Variants in RBM6 observed in about 807,000 individuals in gnomAD.
RBM6 encodes the protein RNA binding motif protein 6, also known as RNA-binding protein 6.
Under a neutral mutation model 140.4 loss-of-function variants are expected in RBM6, and 23 were observed. The ratio of observed to expected loss-of-function variants is 0.16; its 90% CI spans 0.12 to 0.23. The LOEUF is 0.23. RBM6 is among the 10% of genes least tolerant of loss of function. The pLI is 1.00. For synonymous variants in RBM6, 439 were observed against 475.6 expected, an observed-to-expected ratio of 0.92 and a Z score of 1.00; for missense variants, 1,139 against 1,386.7, an observed-to-expected ratio of 0.82 and a Z score of 2.84.
rs377442839 is a variant in RBM6 at position 50,000,646 on chromosome 3, A to C, written c.1557+1133A>C. Among the ~76,000 whole-genome samples the C allele has an allele frequency of 1.2e-4, 18 of 152,156 alleles. No homozygotes were observed. The East Asian group carries it at 2.3e-3, about 20-fold the overall frequency. Reference sequence around the variant, plus strand: ...GTTGGTCAGGCTGCTCTCGAACTCCAGACCTCAGGTGATCTGCCTGCCTCG... The same window carrying C: ...GTTGGTCAGGCTGCTCTCGAACTCCCGACCTCAGGTGATCTGCCTGCCTCG... On this transcript the variant is annotated intron_variant, in intron 6 of 20. Transcript: ENST00000266022.
At chr3:50,001,076 T>C (rs2086305515) in intron 6 of RBM6, among the ~76,000 whole-genome samples, 2 of 152,214 alleles carry the variant, frequency 1.3e-5, no homozygotes, top group African/African-American at 4.8e-5. Flanking sequence ...CCAAATACAG[T>C]TGACACTCTG....
At chr3:50,070,595 T>C (rs373536922) in intron 19 of RBM6, 43 bp downstream of exon 19, 23 of 1,377,584 alleles carry the variant, frequency 1.7e-5, no homozygotes, top group Non-Finnish European at 2.3e-5. Flanking sequence ...TCAAGCCTAA[T>C]GATAAAACCA....
intron 6 of RBM6, chr3:50,047,403 C>T (rs2089273377): frequency 1.2e-6 from 1 of 816,190 alleles, no homozygotes; most frequent in African/African-American, 1.9e-5. Flanking sequence ...CCAACACATA[C>T]CTGCTGCCTA....
At chr3:49,965,711 T>C (rs1246178967) in intron 2 of RBM6, among the ~76,000 whole-genome samples, 1 of 151,598 alleles carries the variant, frequency 6.6e-6, no homozygotes, top group Non-Finnish European at 1.5e-5. Flanking sequence ...GCTCCTCTTA[T>C]GATGAACCAC....
chr3:50,008,511 A>G (rs2086687567), intron 6 of RBM6, among the ~76,000 whole-genome samples: 1 of 149,224 alleles, frequency 6.7e-6, no homozygotes, highest in Non-Finnish European at 1.5e-5. Context: ...AAAGATTTAG[A>G]ATTCCAGCTT....
chr3:50,048,477 T>C (rs542821151), intron 7 of RBM6, among the ~76,000 whole-genome samples, 158 bp downstream of exon 7: 1 of 152,190 alleles, frequency 6.6e-6, no homozygotes, highest in Non-Finnish European at 1.5e-5. Flanking sequence ...ACAAGGTCAT[T>C]CATAATTTCT....
At chr3:49,975,226 G>T in intron 4 of RBM6, 97 bp from the exon 5 acceptor site, 1 of 1,075,086 alleles carries the variant, frequency 9.3e-7, no homozygotes. Flanking sequence ...AGTAATCATG[G>T]CTTTAAATTA....
intron 6 of RBM6, among the ~76,000 whole-genome samples, chr3:50,005,703 G>C: frequency 6.6e-6 from 1 of 152,280 alleles, no homozygotes; most frequent in African/African-American, 2.4e-5. Context: ...GAAGGTTGTA[G>C]TGTTACCTAA....
chr3:49,948,002 G>A (rs1295433547), intron 1 of RBM6, among the ~76,000 whole-genome samples: 1 of 152,100 alleles, frequency 6.6e-6, no homozygotes, highest in Non-Finnish European at 1.5e-5. Flanking sequence ...GCTGAGGCAG[G>A]AGAATCGCTT....
At chr3:49,973,629 A>G (rs1025160335) in intron 4 of RBM6, among the ~76,000 whole-genome samples, 3 of 135,126 alleles carry the variant, frequency 2.2e-5, no homozygotes, top group African/African-American at 8.6e-5. Flanking sequence ...TCTGTCACCC[A>G]GGCTGGAGTG....
chr3:49,989,442 G>T (rs2085714490), intron 5 of RBM6, among the ~76,000 whole-genome samples: 1 of 152,148 alleles, frequency 6.6e-6, no homozygotes, highest in Admixed American at 6.6e-5. Flanking sequence ...TAGTGTGGTG[G>T]CACACGCCTG....
At chr3:49,972,695 A>G (rs768330358) in intron 4 of RBM6, among the ~76,000 whole-genome samples, 8 of 152,222 alleles carry the variant, frequency 5.3e-5, no homozygotes, top group Non-Finnish European at 8.8e-5. Flanking sequence ...TAATTGTTCT[A>G]GATACTGAGT....
At chr3:49,992,583 AT>A in intron 5 of RBM6, among the ~76,000 whole-genome samples, 1 of 152,218 alleles carries the variant, frequency 6.6e-6, no homozygotes, top group Non-Finnish European at 1.5e-5. Context: ...ATGGAATAGC[AT>A]AGGCCCAGAG....
intron 6 of RBM6, among the ~76,000 whole-genome samples, chr3:50,031,636 G>A (rs1575748663): frequency 1.3e-5 from 2 of 151,946 alleles, no homozygotes; most frequent in African/African-American, 4.8e-5. Flanking sequence ...TGTAAATGAC[G>A]AGTTAATGGG....
intron 6 of RBM6, among the ~76,000 whole-genome samples, chr3:50,024,344 A>G (rs1303928855): frequency 6.6e-6 from 1 of 152,218 alleles, no homozygotes; most frequent in Non-Finnish European, 1.5e-5. Context: ...AAAGTTGGAT[A>G]TACCTGGTTA....
At chr3:50,054,541 T>C in intron 8 of RBM6, 146 bp downstream of exon 8, 1 of 732,916 alleles carries the variant, frequency 1.4e-6, no homozygotes, top group African/African-American at 1.8e-5. Context: ...AGTCTCGCTG[T>C]GTTGCCCAGG....
At chr3:49,956,978 T>A (rs953093907) in intron 1 of RBM6, among the ~76,000 whole-genome samples, 4 of 152,054 alleles carry the variant, frequency 2.6e-5, no homozygotes, top group East Asian at 3.9e-4. Flanking sequence ...TTTTTTAATT[T>A]TTTATTTATT....
At chr3:49,942,928 C>T (rs915140423) in intron 1 of RBM6, among the ~76,000 whole-genome samples, 1 of 152,168 alleles carries the variant, frequency 6.6e-6, no homozygotes, top group Non-Finnish European at 1.5e-5. Context: ...CTCTTAATCT[C>T]TAATCTACTT....
chr3:49,962,103 C>T (rs1470276847), intron 1 of RBM6, among the ~76,000 whole-genome samples: 2 of 142,422 alleles, frequency 1.4e-5, no homozygotes, highest in Admixed American at 7.3e-5. Context: ...GGGCTGAGAT[C>T]GTGCCTTTGC....
Sources: allele counts gnomAD v4.1 joint callset (sites outside exome capture counted in the v4.1 genomes callset), GRCh38; gene constraint gnomAD v4.1.1; transcripts MANE v1.5; gene names NCBI Gene and HGNC (gene_info 2026-07-23, HGNC 2026-07-21).